MTA3: variants seen among roughly 807,000 people sequenced by gnomAD.
The protein encoded by MTA3 is metastasis-associated protein MTA3.
Under a neutral mutation model 83.5 loss-of-function variants are expected in MTA3, and 34 were observed. The observed-to-expected ratio is 0.41, with a 90% CI of 0.31 to 0.54. MTA3 has a LOEUF of 0.54. Ranked by LOEUF, MTA3 falls within the 20% of genes least tolerant of loss-of-function variation. MTA3 has a pLI of 0.33. For missense variants in MTA3, 761 were observed against 726.4 expected, an observed-to-expected ratio of 1.05 and a Z score of -0.55; for synonymous variants, 303 against 252.7, an observed-to-expected ratio of 1.20 and a Z score of -1.89.
At chr2:42,691,298 C>G (rs1055455114) in intron 9 of MTA3, among the ~76,000 whole-genome samples, 6 of 152,198 alleles carry the variant, frequency 3.9e-5, no homozygotes, top group Non-Finnish European at 8.8e-5. Flanking sequence ...GCGTGAGCCA[C>G]CACACCGCGG....
At chr2:42,503,010 C>T (rs1042281504) in intron 2 of MTA3, among the ~76,000 whole-genome samples, 4 of 151,774 alleles carry the variant, frequency 2.6e-5, no homozygotes, top group African/African-American at 9.7e-5. Context: ...GAAAGGGGTC[C>T]TGATCCAGAC....
intron 9 of MTA3, among the ~76,000 whole-genome samples, chr2:42,693,213 G>T (rs896226336): frequency 6.6e-6 from 1 of 152,230 alleles, no homozygotes; most frequent in Non-Finnish European, 1.5e-5. Context: ...GGCTGTGCTG[G>T]GTCATGCCTG....
intron 9 of MTA3, 101 bp from the exon 10 acceptor site, chr2:42,695,664 A>C (rs554587941): frequency 7.3e-5 from 31 of 424,176 alleles, no homozygotes; most frequent in Non-Finnish European, 1.1e-4. Flanking sequence ...AAAAAAAAGA[A>C]AGTGGTGGTT....
intron 4 of MTA3, among the ~76,000 whole-genome samples, chr2:42,639,738 C>T (rs1687533434): frequency 6.6e-6 from 1 of 152,144 alleles, no homozygotes; most frequent in Non-Finnish European, 1.5e-5. Context: ...AGTGGCTGCT[C>T]ATAAAAATCT....
upstream of MTA3, among the ~76,000 whole-genome samples, chr2:42,567,173 C>CA (rs1677951705): frequency 6.6e-6 from 1 of 152,160 alleles, no homozygotes; most frequent in Non-Finnish European, 1.5e-5. Context: ...CTGTTATTTG[C>CA]ATGGTGCTCT....
Position 42,502,294 on chromosome 2 carries a change from C to T in MTA3, c.-141+7040C>T, listed in dbSNP as rs1431725876. On this transcript the variant is annotated intron_variant, in intron 2 of 17. Coordinates refer to the MTA3 transcript ENST00000405592. ...CCTGCAAGTGTGACCTCCTCCAGGACCCTCAGGAAGAATTTTAGAACAAAG... is the reference window on the plus strand; with the variant it reads ...CCTGCAAGTGTGACCTCCTCCAGGATCCTCAGGAAGAATTTTAGAACAAAG... 2.0e-5 allele frequency among the ~76,000 whole-genome samples: 3 copies of T among 152,218 alleles called. No individual in the cohort carries two copies. In the South Asian group the frequency reaches 6.2e-4, roughly 32 times the overall value.
At chr2:42,611,738 C>T (rs1431672177) in intron 4 of MTA3, among the ~76,000 whole-genome samples, 1 of 152,046 alleles carries the variant, frequency 6.6e-6, no homozygotes, top group Non-Finnish European at 1.5e-5. Context: ...ATTGCTTAAG[C>T]CAGAAGTTTG....
intron 2 of MTA3, among the ~76,000 whole-genome samples, chr2:42,498,356 A>G (rs1674239591): frequency 6.6e-6 from 1 of 152,210 alleles, no homozygotes; most frequent in African/African-American, 2.4e-5. Flanking sequence ...GACCACCAGG[A>G]TGGCTGAATG....
chr2:42,507,958 GA>G (rs1674714113), intron 2 of MTA3, among the ~76,000 whole-genome samples: 1 of 146,744 alleles, frequency 6.8e-6, no homozygotes, highest in Admixed American at 6.8e-5. Context: ...AAAAAAAAAA[GA>G]AAGAAAGAAA....
chr2:42,705,632 G>A (rs534512182), intron 12 of MTA3, among the ~76,000 whole-genome samples: 2 of 152,276 alleles, frequency 1.3e-5, no homozygotes, highest in East Asian at 1.9e-4. Context: ...CTTGAACCCA[G>A]GAGGCAGAGG....
At chr2:42,634,903 T>C (rs1264222543) in intron 4 of MTA3, among the ~76,000 whole-genome samples, 2 of 152,218 alleles carry the variant, frequency 1.3e-5, no homozygotes, top group Non-Finnish European at 2.9e-5. Context: ...TTATTTAACT[T>C]AGTAAACAGT....
At chr2:42,722,865 G>A (rs1161628317) in intron 15 of MTA3, 24 bp from the exon 16 acceptor site, 12 of 1,550,150 alleles carry the variant, frequency 7.7e-6, no homozygotes, top group African/African-American at 6.8e-5. Context: ...GTTCTGAATT[G>A]AGAAACCTTT....
At chr2:42,706,709 CAT>C (rs1433118396) in intron 12 of MTA3, among the ~76,000 whole-genome samples, 2 of 152,204 alleles carry the variant, frequency 1.3e-5, no homozygotes, top group Non-Finnish European at 2.9e-5. Flanking sequence ...TTAAATGTCA[CAT>C]GTCAGTAATT....
At chr2:42,714,361 T>A (rs1028871117) in intron 14 of MTA3, among the ~76,000 whole-genome samples, 59 of 151,874 alleles carry the variant, frequency 3.9e-4, no homozygotes, top group South Asian at 1.2e-3. Flanking sequence ...GATTTTTTTT[T>A]AAAAAAAGAC....
At chr2:42,659,738 C>T in intron 7 of MTA3, 25 bp from the exon 8 acceptor site, 1 of 1,476,712 alleles carries the variant, frequency 6.8e-7, no homozygotes, top group African/African-American at 1.4e-5. Context: ...TTAATTCTTC[C>T]TTATTGTGTT....
chr2:42,600,644 C>T (rs1184977826), intron 3 of MTA3, among the ~76,000 whole-genome samples: 2 of 151,464 alleles, frequency 1.3e-5, no homozygotes, highest in African/African-American at 2.4e-5. Flanking sequence ...TGGGTTCAAG[C>T]GATTCTTGTG....
intron 16 of MTA3, 39 bp from the exon 17 acceptor site, chr2:42,753,335 G>A: frequency 6.5e-7 from 1 of 1,550,232 alleles, no homozygotes; most frequent in Non-Finnish European, 8.7e-7. Flanking sequence ...CCACCATCGG[G>A]ACTTGTTTAA....
intron 8 of MTA3, among the ~76,000 whole-genome samples, chr2:42,666,411 TGA>T (rs1558560987): frequency 4.6e-5 from 7 of 152,208 alleles, no homozygotes; most frequent in African/African-American, 1.7e-4. Context: ...ACAAAACTAT[TGA>T]GTTTTGCCTG....
At chr2:42,742,636 A>G (rs998112561) in intron 16 of MTA3, among the ~76,000 whole-genome samples, 1 of 152,208 alleles carries the variant, frequency 6.6e-6, no homozygotes, top group Non-Finnish European at 1.5e-5. Flanking sequence ...GATGAAATGT[A>G]TTTAAATTGA....
Sources: gnomAD v4.1 joint callset for allele counts (sites outside exome capture counted in the v4.1 genomes callset) on GRCh38, gnomAD v4.1.1 for gene constraint, MANE v1.5 for transcripts, NCBI Gene and HGNC (gene_info 2026-07-23, HGNC 2026-07-21) for gene names.